Variants in PALM observed in about 807,000 individuals in gnomAD.
PALM encodes paralemmin-1.
Under a neutral mutation model 30.7 loss-of-function variants are expected in PALM, and 18 were observed. The ratio of observed to expected loss-of-function variants is 0.59; its 90% CI spans 0.41 to 0.87. The LOEUF (loss-of-function observed/expected upper bound fraction) is 0.87, where lower values mean the gene tolerates loss of function less well. Among genes scored for constraint, PALM ranks in the 40% least tolerant of loss-of-function variants. PALM has a pLI of 0.00. For synonymous variants in PALM, 286 were observed against 242.8 expected (o/e 1.18, Z -1.66); for missense variants, 529 against 555.4 (o/e 0.95, Z 0.48).
chr19:717,418 C>T (rs969838291), intron 1 of PALM, among the ~76,000 whole-genome samples: 2 of 152,042 alleles, frequency 1.3e-5, no homozygotes, highest in African/African-American at 2.4e-5. Flanking sequence ...CCTTCTGTGT[C>T]TGGCGTCTCT....
At chr19:719,470 G>A in intron 1 of PALM, 3 of 985,192 alleles carry the variant, frequency 3.0e-6, no homozygotes, top group Non-Finnish European at 3.6e-6. Flanking sequence ...GCGCCGGGGT[G>A]GGCGTCGGGC....
At chr19:727,840 G>A (rs1177231853) in intron 4 of PALM, 146 bp downstream of exon 4, 5 of 747,422 alleles carry the variant, frequency 6.7e-6, no homozygotes, top group African/African-American at 3.5e-5. Context: ...ATGCTTTGAG[G>A]GGGACGCAGG....
At chr19:740,960 G>A (rs1007879773) in intron 8 of PALM, among the ~76,000 whole-genome samples, 7 of 143,722 alleles carry the variant, frequency 4.9e-5, no homozygotes, top group Admixed American at 3.6e-4. Context: ...GCAAGGCTCC[G>A]TCTCTACCAA....
chr19:723,211 G>A (rs1283588912), intron 1 of PALM, among the ~76,000 whole-genome samples: 1 of 152,156 alleles, frequency 6.6e-6, no homozygotes, highest in Non-Finnish European at 1.5e-5. Flanking sequence ...TTGCGTGGAT[G>A]GGGAAACTGA....
At chr19:714,980 T>C (rs111300905) in intron 1 of PALM, among the ~76,000 whole-genome samples, 4,965 of 152,206 alleles carry the variant, frequency 0.033, 154 homozygotes, top group African/African-American at 0.083. Context: ...AAGCATCATA[T>C]GGGCCGGGTG....
At chr19:715,216 C>T (rs1026152471) in intron 1 of PALM, among the ~76,000 whole-genome samples, 5 of 152,090 alleles carry the variant, frequency 3.3e-5, no homozygotes, top group East Asian at 1.9e-4. Flanking sequence ...TTCAGTGAGC[C>T]GAGATTGCAC....
chr19:746,979 C>T lies in PALM; in HGVS notation c.*165C>T. 1 of 602,998 alleles carries T rather than the reference C, an allele frequency of 1.7e-6. No homozygotes were observed. 37.4% of individuals were successfully genotyped at this position (602,998 alleles called of 1,614,324 possible). A position where few individuals can be genotyped will look rare whatever the true frequency, so the allele number is the denominator to read the frequency against. On this transcript the variant is annotated 3_prime_UTR_variant, in exon 9 of 9. Coordinates refer to ENST00000338448, the MANE Select transcript of PALM (RefSeq NM_002579.3). This position sits in a 1 kb window ranked among gnomAD's most constrained non-coding sequence, Gnocchi z 7.1. The stretch of plus-strand genomic sequence containing the variant: ...CTTTCGCTGGAAAGAGGGACAGGGG[C>T]CCCCACCCGTCACCACGCCCCAACA...
intron 7 of PALM, among the ~76,000 whole-genome samples, chr19:736,548 AG>A (rs1275193589): frequency 6.6e-6 from 1 of 152,164 alleles, no homozygotes; most frequent in Non-Finnish European, 1.5e-5. Flanking sequence ...TCCGAGAAGC[AG>A]GGGAAGGTGG....
At chr19:712,925 C>T (rs2032132248) in intron 1 of PALM, among the ~76,000 whole-genome samples, 1 of 152,240 alleles carries the variant, frequency 6.6e-6, no homozygotes, top group Non-Finnish European at 1.5e-5. Flanking sequence ...ATCCGCCCAG[C>T]TGGGCCTCCC....
intron 4 of PALM, among the ~76,000 whole-genome samples, chr19:728,751 C>G (rs1293421260): frequency 6.6e-6 from 1 of 152,072 alleles, no homozygotes; most frequent in Admixed American, 6.6e-5. Flanking sequence ...AGCCTGTAAT[C>G]CTGGCACTTT....
Position 747,093 on chromosome 19 carries a change from AC to A in PALM, c.*280del, listed in dbSNP as rs2033371635. On this transcript the variant is annotated 3_prime_UTR_variant, in exon 9 of 9. Transcript: ENST00000338448. ...TCCCGAGACAAGGACCCCCCATGTCACGGCAGCTTCACAGACGCGGCTCGCG... is the reference window on the plus strand; with the variant it reads ...TCCCGAGACAAGGACCCCCCATGTCAGGCAGCTTCACAGACGCGGCTCGCG... 4 of 390,746 alleles carry A rather than the reference AC, an allele frequency of 1.0e-5. No individual in the cohort carries two copies. Among genetic ancestry groups the A allele is most frequent in the Non-Finnish European group, 1.9e-5 (4 of 216,062 alleles). 24.2% of individuals were successfully genotyped at this position (390,746 alleles called of 1,614,324 possible).
intron 4 of PALM, among the ~76,000 whole-genome samples, chr19:729,039 A>G (rs1432042919): frequency 6.6e-6 from 1 of 151,406 alleles, no homozygotes; most frequent in Non-Finnish European, 1.5e-5. Flanking sequence ...AAAGGCATGG[A>G]CATGCTGGGC....
chr19:731,392 T>G, intron 5 of PALM, 147 bp downstream of exon 5: 1 of 749,180 alleles, frequency 1.3e-6, no homozygotes. Context: ...CCGGAGCCAC[T>G]TCCCAGCTGT....
At chr19:736,101 G>A (rs1215752765) in intron 7 of PALM, 23 bp downstream of exon 7, 2 of 1,591,396 alleles carry the variant, frequency 1.3e-6, no homozygotes, top group Non-Finnish European at 1.7e-6. Flanking sequence ...CCAGGCTCTG[G>A]GCCCCAGATC....
At chr19:716,985 A>G (rs1010015402) in intron 1 of PALM, among the ~76,000 whole-genome samples, 1 of 151,298 alleles carries the variant, frequency 6.6e-6, no homozygotes, top group East Asian at 1.9e-4. Flanking sequence ...GCTGGAGTGC[A>G]GTGACGTAAT....
chr19:726,233 A>T, intron 2 of PALM, 44 bp downstream of exon 2: 1 of 1,573,072 alleles, frequency 6.4e-7, no homozygotes, highest in Admixed American at 1.7e-5. Context: ...AGGGTGGGGA[A>T]GTGGGGGGAC....
intron 7 of PALM, among the ~76,000 whole-genome samples, chr19:739,418 G>A (rs933142021): frequency 1.3e-5 from 2 of 152,162 alleles, no homozygotes; most frequent in Admixed American, 6.5e-5. Flanking sequence ...GAGGGCTCAC[G>A]TTTATAATCC....
chr19:712,469 T>C (rs1167741733), intron 1 of PALM, among the ~76,000 whole-genome samples: 10 of 149,548 alleles, frequency 6.7e-5, no homozygotes, highest in East Asian at 2.0e-4. Flanking sequence ...CTGCAACCTC[T>C]GCCTCCTGGG....
chr19:718,512 C>T (rs892554701), intron 1 of PALM, among the ~76,000 whole-genome samples: 1 of 152,148 alleles, frequency 6.6e-6, no homozygotes, highest in Non-Finnish European at 1.5e-5. Context: ...GCCTCACTGC[C>T]CCGTCTTCCC....
Sources: allele counts gnomAD v4.1 joint callset (sites outside exome capture counted in the v4.1 genomes callset), GRCh38; gene constraint gnomAD v4.1.1; non-coding constraint Gnocchi (gnomAD v3.1); transcripts MANE v1.5; gene names NCBI Gene and HGNC (gene_info 2026-07-23, HGNC 2026-07-21).